Variants in CDC42EP4 observed in about 807,000 individuals in gnomAD.
CDC42EP4 encodes the protein CDC42 effector protein (Rho GTPase binding) 4.
In CDC42EP4, 6 loss-of-function variants were observed where a neutral mutation model predicts 5.6. The ratio of observed to expected loss-of-function variants is 1.07; its 90% CI spans 0.59 to 2.12. CDC42EP4 has a LOEUF of 2.12. Among genes scored for constraint, CDC42EP4 ranks in the 30% most tolerant of loss-of-function variants. The pLI is 0.00. For missense variants in CDC42EP4, 490 were observed against 508.6 expected (o/e 0.96, Z 0.35); for synonymous variants, 230 against 224.2 (o/e 1.03, Z -0.23).
chr17:73,298,393 G>C (rs1437570125), intron 1 of CDC42EP4, among the ~76,000 whole-genome samples: 1 of 152,216 alleles, frequency 6.6e-6, no homozygotes, highest in African/African-American at 2.4e-5. Flanking sequence ...AGCTGAGCAG[G>C]AGATGAGCGA....
At chr17:73,304,172 T>C (rs757738764) in intron 1 of CDC42EP4, among the ~76,000 whole-genome samples, 8 of 152,178 alleles carry the variant, frequency 5.3e-5, no homozygotes, top group Non-Finnish European at 1.2e-4. Context: ...CCACATGTCA[T>C]GGAGAAAATA....
chr17:73,300,383 G>T, intron 1 of CDC42EP4, among the ~76,000 whole-genome samples: 1 of 152,176 alleles, frequency 6.6e-6, no homozygotes, highest in East Asian at 1.9e-4. Context: ...ACTGGGAAGG[G>T]GGGTGAATCA....
chr17:73,287,991 C>T (rs886372115), intron 1 of CDC42EP4, among the ~76,000 whole-genome samples: 12 of 152,178 alleles, frequency 7.9e-5, no homozygotes, highest in East Asian at 5.8e-4. Context: ...GTCCCCACCT[C>T]GCTCCTCAGT....
At chr17:73,303,645 G>C (rs1471478127) in intron 1 of CDC42EP4, among the ~76,000 whole-genome samples, 1 of 144,384 alleles carries the variant, frequency 6.9e-6, no homozygotes, top group African/African-American at 2.6e-5. Context: ...CTGGGCAACA[G>C]AGCAAGACTC....
rs753022557 is a variant in CDC42EP4 at position 73,285,679 on chromosome 17, G to C, written c.822C>G (p.Pro274=). 6.4e-7 allele frequency: 1 copy of C among 1,572,756 alleles called. No homozygotes were observed. The highest frequency in any genetic ancestry group is 1.2e-5 in the South Asian group (1 of 86,724). The change falls in exon 2 of 2, where the codon CCC becomes CCG. Residue 274 remains proline, a synonymous_variant. Coordinates refer to ENST00000335793, the MANE Select transcript of CDC42EP4 (RefSeq NM_012121.5). The surrounding 1 kb of genome is among the most constrained non-coding windows in gnomAD (Gnocchi z 6.8). ...CCTCCAGAGCATGGGAGGGGAGGGAGGGCAAGTCTGGGCCAGCCTTGCCTT... is the reference window on the plus strand; with the variant it reads ...CCTCCAGAGCATGGGAGGGGAGGGACGGCAAGTCTGGGCCAGCCTTGCCTT... ...RQEGKAGPDL[P]SLPSHALEDE...
intron 1 of CDC42EP4, among the ~76,000 whole-genome samples, chr17:73,297,809 C>T (rs1216810009): frequency 6.6e-6 from 1 of 151,942 alleles, no homozygotes; most frequent in Admixed American, 6.6e-5. Flanking sequence ...CAGGTGCACA[C>T]CATGACGGCC....
intron 1 of CDC42EP4, among the ~76,000 whole-genome samples, chr17:73,297,001 A>AAAAAAAAAAAAAAAAAAAAAAAC (rs547362762): frequency 4.9e-5 from 3 of 61,734 alleles, no homozygotes; most frequent in Non-Finnish European, 6.7e-5. Flanking sequence ...AAAAAAAAAA[A>AAAAAAAAAAAAAAAAAAAAAAAC]AAATACACAA....
chr17:73,303,662 CAAAAAAA>C (rs542149787), intron 1 of CDC42EP4, among the ~76,000 whole-genome samples: 1 of 83,928 alleles, frequency 1.2e-5, no homozygotes, highest in African/African-American at 4.3e-5. Flanking sequence ...ACTCTGTCTC[CAAAAAAA>C]AAAAAAAAAA....
chr17:73,286,416 C>A lies in CDC42EP4; in HGVS notation c.85G>T (p.Ala29Ser). 2 of 1,613,704 alleles carry A rather than the reference C, an allele frequency of 1.2e-6. No individual in the cohort carries two copies. The highest frequency in any genetic ancestry group is 8.5e-7 in the Non-Finnish European group (1 of 1,179,854). ...RADLTAEMIS[A>S]PLGDFRHTMH... The stretch of plus-strand genomic sequence containing the variant: ...GTGTGGCGGAAGTCGCCCAGCGGGG[C>A]GCTGATCATCTCGGCCGTGAGGTCC... Residue 29 changes from alanine (A) to serine (S), a missense_variant, in exon 2 of 2, where the codon GCC becomes TCC. By Grantham distance (99) the Ala-to-Ser change is moderately conservative. Transcript: ENST00000335793. The surrounding 1 kb of genome is among the most constrained non-coding windows in gnomAD (Gnocchi z 7.7).
chr17:73,298,160 T>C (rs1467710771), intron 1 of CDC42EP4, among the ~76,000 whole-genome samples: 1 of 152,122 alleles, frequency 6.6e-6, no homozygotes, highest in Non-Finnish European at 1.5e-5. Flanking sequence ...TCTGCCTCTC[T>C]TGCGTGAAAA....
intron 1 of CDC42EP4, among the ~76,000 whole-genome samples, chr17:73,297,001 A>AAAAACAAAAAAAAAAAAAAAACAC (rs547362762): frequency 2.4e-4 from 15 of 61,772 alleles, no homozygotes; most frequent in South Asian, 1.6e-3. Flanking sequence ...AAAAAAAAAA[A>AAAAACAAAAAAAAAAAAAAAACAC]AAATACACAA....
intron 1 of CDC42EP4, among the ~76,000 whole-genome samples, chr17:73,299,155 G>C (rs966305066): frequency 3.3e-5 from 5 of 152,060 alleles, no homozygotes; most frequent in Non-Finnish European, 5.9e-5. Context: ...TGGGTGCAGT[G>C]GCTCACGCCT....
Position 73,283,694 on chromosome 17 carries a change from C to G in CDC42EP4, c.*1736G>C, listed in dbSNP as rs904567926. 6.6e-6 allele frequency: 1 copy of G among 152,112 alleles called. No homozygotes were observed. The highest frequency in any genetic ancestry group is 2.4e-5 in the African/African-American group (1 of 41,426). The allele number at this position is 152,112 out of a possible 1,614,324, so 9.4% of individuals were successfully genotyped here. On this transcript the variant is annotated 3_prime_UTR_variant, in exon 2 of 2. Transcript: ENST00000335793. Reference sequence around the variant, plus strand: ...ATCATGAAAAAAATCAGTTTAGAATCTGGAATTGGCCTGGACGGGATTCGA... The same window carrying G: ...ATCATGAAAAAAATCAGTTTAGAATGTGGAATTGGCCTGGACGGGATTCGA...
chr17:73,296,631 G>A (rs2062187167), intron 1 of CDC42EP4, among the ~76,000 whole-genome samples: 1 of 152,068 alleles, frequency 6.6e-6, no homozygotes, highest in South Asian at 2.1e-4. Flanking sequence ...AGGCCAAGGC[G>A]AAGGTCAGGA....
chr17:73,309,024 CA>C (rs889369566), intron 1 of CDC42EP4, among the ~76,000 whole-genome samples: 8 of 69,872 alleles, frequency 1.1e-4, no homozygotes, highest in Non-Finnish European at 2.1e-4. Flanking sequence ...GGCAACAGAG[CA>C]AAGCTCTGTC....
At chr17:73,297,802 G>A (rs776273839) in intron 1 of CDC42EP4, among the ~76,000 whole-genome samples, 13 of 151,884 alleles carry the variant, frequency 8.6e-5, no homozygotes, top group Non-Finnish European at 1.2e-4. Flanking sequence ...GGGATTACAG[G>A]TGCACACCAT....
At chr17:73,305,818 T>C (rs201456294) in intron 1 of CDC42EP4, among the ~76,000 whole-genome samples, 1 of 152,190 alleles carries the variant, frequency 6.6e-6, no homozygotes. Flanking sequence ...TGAGAGCACC[T>C]AATTCAAAAG....
chr17:73,289,805 A>G (rs2062152882), intron 1 of CDC42EP4, among the ~76,000 whole-genome samples: 1 of 130,496 alleles, frequency 7.7e-6, no homozygotes, highest in South Asian at 2.6e-4. Context: ...AAAGAAAAAA[A>G]GAAAGAGAGA....
intron 1 of CDC42EP4, among the ~76,000 whole-genome samples, chr17:73,305,838 T>C (rs1338784689): frequency 6.6e-6 from 1 of 152,090 alleles, no homozygotes; most frequent in Non-Finnish European, 1.5e-5. Context: ...GTCTGTACAG[T>C]GAAACGTGGG....
Sources: gnomAD v4.1 joint callset for allele counts (sites outside exome capture counted in the v4.1 genomes callset) on GRCh38, gnomAD v4.1.1 for gene constraint, Gnocchi (gnomAD v3.1) non-coding constraint, MANE v1.5 for transcripts, NCBI Gene and HGNC (gene_info 2026-07-23, HGNC 2026-07-21) for gene names.